NALF1: variants seen among roughly 807,000 people sequenced by gnomAD.
NALF1 encodes NALCN channel auxiliary factor 1.
A neutral mutation model predicts 48.4 loss-of-function variants in NALF1; 3 were observed. That is an observed-to-expected ratio of 0.06 (90% CI 0.03 to 0.16). The LOEUF (loss-of-function observed/expected upper bound fraction) is 0.16, where lower values mean the gene tolerates loss of function less well. NALF1 is among the 10% of genes least tolerant of loss of function. The pLI, the probability that NALF1 is intolerant of heterozygous loss-of-function variation, is 1.00. For synonymous variants in NALF1, 262 were observed against 245.7 expected, an observed-to-expected ratio of 1.07 and a Z score of -0.62; for missense variants, 526 against 571.5, an observed-to-expected ratio of 0.92 and a Z score of 0.81.
At chr13:107,636,887 ATATATTATAT>A (rs67586898) in intron 1 of NALF1, among the ~76,000 whole-genome samples, 34 of 147,902 alleles carry the variant, frequency 2.3e-4, no homozygotes, top group African/African-American at 7.1e-4. Context: ...TCTATATTAT[ATATATTATAT>A]TATATTATAT....
At chr13:107,747,506 T>A (rs1876813972) in intron 1 of NALF1, among the ~76,000 whole-genome samples, 1 of 152,140 alleles carries the variant, frequency 6.6e-6, no homozygotes, top group African/African-American at 2.4e-5. Flanking sequence ...AACACCTACC[T>A]CAGTAAAGAT....
In NALF1 at chr13:107,651,355, C is replaced by T. The variant is rs199958314; in HGVS notation, c.915+214327G>A. Among the ~76,000 whole-genome samples the T allele has an allele frequency of 2.6e-4, 40 of 152,246 alleles. No individual in the cohort carries two copies. In the East Asian group the frequency reaches 6.0e-3, roughly 23 times the overall value. Reference sequence around the variant, plus strand: ...CTGTGCTTTTCTAATTACACAACGTCGAAATGTCAGGCCACAAAACTCAAT... The same window carrying T: ...CTGTGCTTTTCTAATTACACAACGTTGAAATGTCAGGCCACAAAACTCAAT... On this transcript the variant is annotated intron_variant, in intron 1 of 2. Coordinates refer to ENST00000375915, the MANE Select transcript of NALF1 (RefSeq NM_001080396.3).
At chr13:107,269,199 T>C (rs971364274) in intron 1 of NALF1, among the ~76,000 whole-genome samples, 2 of 151,000 alleles carry the variant, frequency 1.3e-5, no homozygotes, top group Non-Finnish European at 2.9e-5. Flanking sequence ...AAAATAGAAA[T>C]TGAGAAATTG....
intron 1 of NALF1, among the ~76,000 whole-genome samples, chr13:107,352,157 T>G (rs1042147594): frequency 1.3e-5 from 2 of 152,146 alleles, no homozygotes; most frequent in Admixed American, 6.5e-5. Context: ...CTGTGTGCAG[T>G]CTCTGTAAAC....
rs1875798736 is a variant in NALF1 at position 107,509,116 on chromosome 13, C to CA, written c.916-298362dup. 4.6e-5 allele frequency among the ~76,000 whole-genome samples: 7 copies of CA among 152,208 alleles called. No homozygotes were observed. The South Asian group carries it at 1.4e-3, about 32-fold the overall frequency. Reference sequence around the variant, plus strand: ...TCAAACAGAAATTGGCTCAAATATACAAATTCAGCCTGCTGTTTATACAAA... The same window carrying CA: ...TCAAACAGAAATTGGCTCAAATATACAAAATTCAGCCTGCTGTTTATACAAA... On this transcript the variant is annotated intron_variant, in intron 1 of 2. Coordinates refer to ENST00000375915, the MANE Select transcript of NALF1 (RefSeq NM_001080396.3).
At chr13:107,854,209 A>G (rs1880386583) in intron 1 of NALF1, among the ~76,000 whole-genome samples, 1 of 152,214 alleles carries the variant, frequency 6.6e-6, no homozygotes, top group Non-Finnish European at 1.5e-5. Context: ...TTAATATTCA[A>G]TATATATATT....
In NALF1 at chr13:107,866,063, C is replaced by T. The variant is rs760429123; in HGVS notation, c.534G>A (p.Ser178=). Residue 178 remains serine (S), a synonymous_variant, in exon 1 of 3, where the codon TCG becomes TCA. Transcript: ENST00000375915. This position sits in a 1 kb window ranked among gnomAD's most constrained non-coding sequence, Gnocchi z 4.4. ...LETCYPQGAS[S]GQCFTVENAD... ...CATTCTCCACCGTGAAGCACTGGCC[C>T]GAGGACGCGCCCTGGGGGTAACAAG... The T allele has an allele frequency of 3.1e-6, 5 of 1,612,838 alleles. No homozygotes were observed. The highest frequency in any genetic ancestry group is 4.2e-6 in the Non-Finnish European group (5 of 1,179,978).
At chr13:107,358,991 G>A (rs1322662255) in intron 1 of NALF1, among the ~76,000 whole-genome samples, 1 of 152,104 alleles carries the variant, frequency 6.6e-6, no homozygotes, top group Non-Finnish European at 1.5e-5. Flanking sequence ...TGGAGATCCT[G>A]AACTATTTTG....
intron 1 of NALF1, among the ~76,000 whole-genome samples, chr13:107,627,199 A>G (rs12428944): frequency 0.13 from 19,127 of 152,076 alleles, 1,630 homozygotes; most frequent in Admixed American, 0.21. Flanking sequence ...TACATAGAAA[A>G]TATGTTATGA....
chr13:107,456,107 G>A (rs187297911), intron 1 of NALF1, among the ~76,000 whole-genome samples: 1 of 152,282 alleles, frequency 6.6e-6, no homozygotes, highest in Non-Finnish European at 1.5e-5. Context: ...CCTTATTGAA[G>A]GGTAGGATAG....
At chr13:107,631,564 A>G (rs1879835253) in intron 1 of NALF1, among the ~76,000 whole-genome samples, 1 of 152,138 alleles carries the variant, frequency 6.6e-6, no homozygotes, top group Non-Finnish European at 1.5e-5. Flanking sequence ...GAATTCAGAG[A>G]GTAAGTCCCT....
chr13:107,270,671 ATT>A (rs770217952), intron 1 of NALF1, among the ~76,000 whole-genome samples: 113 of 35,904 alleles, frequency 3.1e-3, no homozygotes, highest in South Asian at 0.018. Context: ...ATATATTTTT[ATT>A]ATTATTATAC....
intron 1 of NALF1, among the ~76,000 whole-genome samples, chr13:107,727,289 A>C (rs1876185948): frequency 6.6e-6 from 1 of 152,204 alleles, no homozygotes; most frequent in Non-Finnish European, 1.5e-5. Context: ...CATTAAAGTG[A>C]GTAAGATGCA....
At chr13:107,767,179 G>C (rs115119899) in intron 1 of NALF1, among the ~76,000 whole-genome samples, 1 of 152,152 alleles carries the variant, frequency 6.6e-6, no homozygotes, top group African/African-American at 2.4e-5. Context: ...GGGAGAAACC[G>C]GTAAATCATT....
chr13:107,718,373 A>T (rs912973576), intron 1 of NALF1, among the ~76,000 whole-genome samples: 1 of 152,150 alleles, frequency 6.6e-6, no homozygotes, highest in Non-Finnish European at 1.5e-5. Flanking sequence ...TTCCCACAGA[A>T]CCTGCCTCAT....
intron 1 of NALF1, among the ~76,000 whole-genome samples, chr13:107,613,002 G>A (rs2391466): frequency 0.21 from 27,603 of 132,720 alleles, 2,621 homozygotes; most frequent in East Asian, 0.42. Context: ...CCCACAATGA[G>A]AAAAAAAAAA....
chr13:107,186,466 C>G (rs978980560), intron 2 of NALF1, among the ~76,000 whole-genome samples: 2 of 152,166 alleles, frequency 1.3e-5, no homozygotes, highest in African/African-American at 4.8e-5. Flanking sequence ...CTCCCGGGTT[C>G]AAGCGATTCT....
intron 1 of NALF1, among the ~76,000 whole-genome samples, chr13:107,410,667 T>C (rs1883975128): frequency 6.6e-6 from 1 of 152,060 alleles, no homozygotes. Context: ...GGAAGAACAA[T>C]AAAGCAGATT....
intron 1 of NALF1, among the ~76,000 whole-genome samples, chr13:107,743,209 G>A (rs1264271545): frequency 2.6e-5 from 4 of 152,202 alleles, no homozygotes; most frequent in African/African-American, 9.6e-5. Context: ...CAAGTTTTCA[G>A]AGCATTAACT....
Sources: gnomAD v4.1 joint callset for allele counts (sites outside exome capture counted in the v4.1 genomes callset) on GRCh38, gnomAD v4.1.1 for gene constraint, Gnocchi (gnomAD v3.1) non-coding constraint, MANE v1.5 for transcripts, NCBI Gene and HGNC (gene_info 2026-07-23, HGNC 2026-07-21) for gene names.